MAPRE3: variants seen among roughly 807,000 people sequenced by gnomAD.
The protein encoded by MAPRE3 is microtubule associated protein RP/EB family member 3, also known as microtubule-associated protein RP/EB family member 3.
Under a neutral mutation model 30.5 loss-of-function variants are expected in MAPRE3, and 2 were observed. The observed-to-expected ratio is 0.07, with a 90% CI of 0.03 to 0.21. The LOEUF (loss-of-function observed/expected upper bound fraction) is 0.21, where lower values mean the gene tolerates loss of function less well. Ranked by LOEUF, MAPRE3 falls within the 10% of genes least tolerant of loss-of-function variation. The pLI is 1.00. For synonymous variants in MAPRE3, 110 were observed against 127.7 expected (o/e 0.86, Z 0.93); for missense variants, 204 against 351.8 (o/e 0.58, Z 3.36).
chr2:26,980,122 A>T (rs1184403931), intron 1 of MAPRE3, among the ~76,000 whole-genome samples: 1 of 152,218 alleles, frequency 6.6e-6, no homozygotes, highest in Non-Finnish European at 1.5e-5. Context: ...GGAAATTAGG[A>T]TGATTCAGCA....
intron 1 of MAPRE3, among the ~76,000 whole-genome samples, chr2:27,016,627 G>A (rs1391876534): frequency 6.6e-6 from 1 of 151,946 alleles, no homozygotes; most frequent in Non-Finnish European, 1.5e-5. Flanking sequence ...CTCATGATCC[G>A]CCCACCTCGG....
chr2:26,999,396 A>G (rs1666535762), intron 1 of MAPRE3, among the ~76,000 whole-genome samples: 1 of 152,090 alleles, frequency 6.6e-6, no homozygotes, highest in Non-Finnish European at 1.5e-5. Context: ...TGAATGAGAA[A>G]AATCAATGAC....
intron 1 of MAPRE3, among the ~76,000 whole-genome samples, chr2:27,020,356 A>G (rs903152574): frequency 6.6e-6 from 1 of 152,272 alleles, no homozygotes; most frequent in Non-Finnish European, 1.5e-5. Flanking sequence ...CACTTTACAT[A>G]TTAAACCTGA....
intron 1 of MAPRE3, among the ~76,000 whole-genome samples, chr2:26,980,156 AAG>A (rs1424758269): frequency 2.0e-5 from 3 of 152,154 alleles, no homozygotes; most frequent in Admixed American, 6.5e-5. Context: ...AAATGTCTGG[AAG>A]AGAGTTTCAG....
chr2:27,011,219 T>G (rs1278320977), intron 1 of MAPRE3, among the ~76,000 whole-genome samples: 1 of 152,170 alleles, frequency 6.6e-6, no homozygotes, highest in Non-Finnish European at 1.5e-5. Context: ...ATTTCCCATT[T>G]TCTCCTCGCT....
intron 1 of MAPRE3, among the ~76,000 whole-genome samples, chr2:26,977,232 A>C (rs1256381017): frequency 6.6e-6 from 1 of 152,240 alleles, no homozygotes; most frequent in Non-Finnish European, 1.5e-5. Flanking sequence ...GGTGTTTTCT[A>C]AGCTTTTCTG....
At chr2:27,016,443 G>A (rs1051043597) in intron 1 of MAPRE3, among the ~76,000 whole-genome samples, 16 of 149,538 alleles carry the variant, frequency 1.1e-4, no homozygotes, top group African/African-American at 1.7e-4. Context: ...GGAGTGCAGT[G>A]GCGCTATCTT....
rs199568791 is a variant in MAPRE3, at chr2:26,993,188, A to T, written c.-8+22386A>T. Among the ~76,000 whole-genome samples the T allele has an allele frequency of 7.2e-5, 11 of 151,972 alleles. No individual in the cohort carries two copies. The East Asian group carries it at 1.9e-3, about 27-fold the overall frequency. On this transcript the variant is annotated intron_variant, in intron 1 of 6. Coordinates refer to ENST00000233121, the MANE Select transcript of MAPRE3 (RefSeq NM_012326.4). ...GTTTGAGACTAGCCTGGCCAACATG[A>T]TGAAACCCCATCTCTACTAAAAATA... is the stretch of plus-strand genomic sequence containing the variant.
chr2:27,000,163 G>A (rs147083204), intron 1 of MAPRE3, among the ~76,000 whole-genome samples: 1 of 152,168 alleles, frequency 6.6e-6, no homozygotes, highest in Admixed American at 6.5e-5. Context: ...GTACGGGTTT[G>A]TGTTACTATT....
At chr2:27,016,945 T>C (rs1390864194) in intron 1 of MAPRE3, among the ~76,000 whole-genome samples, 1 of 152,012 alleles carries the variant, frequency 6.6e-6, no homozygotes, top group East Asian at 1.9e-4. Flanking sequence ...GCCCAGCTTT[T>C]AGAGGCTCCC....
At position 27,013,843 on chromosome 2, in the gene MAPRE3, G is replaced by T. The variant is rs189001458; in HGVS notation, c.-7-8369G>T. The T allele has an allele frequency of 7.4e-3, 1,125 of 152,384 alleles. 8 individuals carry two copies. Among genetic ancestry groups the T allele is most frequent in the Middle Eastern group, 0.037 (11 of 294 alleles). The allele number at this position is 152,384 out of a possible 1,614,324, so 9.4% of individuals were successfully genotyped here. ...TCAGTGATCTTGCCTATCAGTAAAG[G>T]TTGCTCAGCCCCCAAAGCAGCGTGA... On this transcript the variant is annotated intron_variant, in intron 1 of 6. Transcript: ENST00000233121.
chr2:27,001,509 C>CATAG (rs558736050), intron 1 of MAPRE3, among the ~76,000 whole-genome samples: 84 of 152,046 alleles, frequency 5.5e-4, no homozygotes, highest in African/African-American at 1.2e-3. Flanking sequence ...TCCCATCATT[C>CATAG]ATAGATAGAT....
chr2:26,974,371 T>G (rs1206756404), intron 1 of MAPRE3, among the ~76,000 whole-genome samples: 1 of 152,236 alleles, frequency 6.6e-6, no homozygotes, highest in Non-Finnish European at 1.5e-5. Flanking sequence ...TATCACACAT[T>G]CTGACTTCAG....
intron 1 of MAPRE3, among the ~76,000 whole-genome samples, chr2:27,007,061 T>G (rs1447948665): frequency 6.6e-6 from 1 of 152,186 alleles, no homozygotes; most frequent in Non-Finnish European, 1.5e-5. Flanking sequence ...ATAGAGCTCA[T>G]CCTCTATTTG....
chr2:27,016,805 C>A (rs949194196), intron 1 of MAPRE3, among the ~76,000 whole-genome samples: 1 of 152,144 alleles, frequency 6.6e-6, no homozygotes, highest in Admixed American at 6.6e-5. Context: ...CAAGTCAACC[C>A]CCAATGCAAA....
rs1666980086 is a variant in MAPRE3, at chr2:27,016,238, T to G, written c.-7-5974T>G. Among the ~76,000 whole-genome samples the G allele has an allele frequency of 1.3e-5, 2 of 151,976 alleles. 1 individual carries two copies. Among genetic ancestry groups the G allele is most frequent in the African/African-American group, 4.8e-5 (2 of 41,354 alleles). The stretch of plus-strand genomic sequence containing the variant: ...TGCCAAAGATCATGGTAGAAACATG[T>G]GGATGGGGTTGGAAGACACTGCTAC... On this transcript the variant is annotated intron_variant, in intron 1 of 6. Transcript: ENST00000233121.
chr2:26,972,292 C>T lies in MAPRE3; in HGVS notation c.-8+1490C>T, dbSNP rs145760797. 1.5e-3 allele frequency among the ~76,000 whole-genome samples: 229 copies of T among 152,282 alleles called. 1 individual carries two copies. The highest frequency in any genetic ancestry group is 8.8e-4 in the Non-Finnish European group (60 of 68,018). ...GAAGGAGCCACTCATTTGGAGTTTC[C>T]GGGGTTGCAAACAATGAGAAATAAC... On this transcript the variant is annotated intron_variant, in intron 1 of 6. Coordinates refer to ENST00000233121, the MANE Select transcript of MAPRE3 (RefSeq NM_012326.4).
At chr2:26,989,582 G>A (rs1158262607) in intron 1 of MAPRE3, among the ~76,000 whole-genome samples, 1 of 152,160 alleles carries the variant, frequency 6.6e-6, no homozygotes, top group Non-Finnish European at 1.5e-5. Flanking sequence ...GGAATACTTT[G>A]AACTTCCCAG....
intron 1 of MAPRE3, among the ~76,000 whole-genome samples, chr2:26,975,380 A>G (rs1406713034): frequency 6.6e-6 from 1 of 152,204 alleles, no homozygotes; most frequent in Non-Finnish European, 1.5e-5. Context: ...AAACCTTGCC[A>G]GTGAGCAGAG....
Sources: allele counts gnomAD v4.1 joint callset (sites outside exome capture counted in the v4.1 genomes callset), GRCh38; gene constraint gnomAD v4.1.1; transcripts MANE v1.5; gene names NCBI Gene and HGNC (gene_info 2026-07-23, HGNC 2026-07-21).